The following UNC5D variants were observed in gnomAD, a reference collection of about 807,000 sequenced individuals.
UNC5D encodes netrin receptor UNC5D.
UNC5D carries 39 observed loss-of-function variants against 105.4 expected under a neutral mutation model. The observed-to-expected ratio is 0.37, with a 90% confidence interval of 0.29 to 0.48. UNC5D has a LOEUF of 0.48. UNC5D is among the 20% of genes least tolerant of loss of function. The pLI is 0.98. For synonymous variants in UNC5D, 452 were observed against 450.4 expected, an observed-to-expected ratio of 1.00 and a Z score of -0.04; for missense variants, 991 against 1,202.4, an observed-to-expected ratio of 0.82 and a Z score of 2.60.
intron 8 of UNC5D, among the ~76,000 whole-genome samples, chr8:35,711,885 A>T (rs1415365225): frequency 6.6e-6 from 1 of 152,146 alleles, no homozygotes; most frequent in Non-Finnish European, 1.5e-5. Context: ...TCATCATCAC[A>T]CCTGTTCAAT....
At chr8:35,652,956 T>A (rs1823520762) in intron 4 of UNC5D, among the ~76,000 whole-genome samples, 1 of 147,414 alleles carries the variant, frequency 6.8e-6, no homozygotes, top group Non-Finnish European at 1.5e-5. Flanking sequence ...AGACAGAGTT[T>A]CACTCTCTTG....
rs148739089 is a variant in UNC5D, at chr8:35,661,030, C to A, written c.571-22517C>A. On this transcript the variant is annotated intron_variant, in intron 4 of 16. Coordinates refer to ENST00000404895, the MANE Select transcript of UNC5D (RefSeq NM_080872.4). ...GGAGGATAGCTTGAGCCCAGGGGTTCAAGCCTGCAGTAAGCTACGATCATG... is the reference window on the plus strand; with the variant it reads ...GGAGGATAGCTTGAGCCCAGGGGTTAAAGCCTGCAGTAAGCTACGATCATG... Among the ~76,000 whole-genome samples the A allele has an allele frequency of 2.4e-3, 362 of 151,998 alleles. 3 individuals carry two copies. Among genetic ancestry groups the A allele is most frequent in the African/African-American group, 7.8e-3 (325 of 41,430 alleles).
At chr8:35,719,141 TACACACAC>T (rs57660135) in intron 8 of UNC5D, among the ~76,000 whole-genome samples, 6,828 of 133,112 alleles carry the variant, frequency 0.051, 318 homozygotes, top group African/African-American at 0.12. Context: ...CATGTGCTTA[TACACACAC>T]ACACACACAC....
At chr8:35,596,365 C>T (rs1419207806) in intron 4 of UNC5D, among the ~76,000 whole-genome samples, 1 of 152,102 alleles carries the variant, frequency 6.6e-6, no homozygotes, top group Non-Finnish European at 1.5e-5. Context: ...AAGATGACCC[C>T]TGATAGACTA....
At chr8:35,723,316 A>G (rs1045091394) in intron 9 of UNC5D, among the ~76,000 whole-genome samples, 1 of 152,206 alleles carries the variant, frequency 6.6e-6, no homozygotes, top group African/African-American at 2.4e-5. Flanking sequence ...CCCTCTTGCC[A>G]TTCACTTCTG....
At chr8:35,479,475 A>G (rs1168230489) in intron 1 of UNC5D, among the ~76,000 whole-genome samples, 1 of 152,178 alleles carries the variant, frequency 6.6e-6, no homozygotes, top group African/African-American at 2.4e-5. Flanking sequence ...TGTTTTACCA[A>G]AAGACATGTA....
intron 4 of UNC5D, among the ~76,000 whole-genome samples, chr8:35,598,179 T>A (rs1469640354): frequency 6.6e-6 from 1 of 152,142 alleles, no homozygotes; most frequent in African/African-American, 2.4e-5. Context: ...CCACTCCACC[T>A]TTTCCCTGCT....
intron 1 of UNC5D, among the ~76,000 whole-genome samples, chr8:35,435,177 C>T (rs185705552): frequency 6.6e-6 from 1 of 151,852 alleles, no homozygotes; most frequent in Admixed American, 6.6e-5. Context: ...ATATAATTAC[C>T]AATATGGTAA....
At chr8:35,717,354 T>C (rs528885905) in intron 8 of UNC5D, among the ~76,000 whole-genome samples, 1 of 152,274 alleles carries the variant, frequency 6.6e-6, no homozygotes, top group South Asian at 2.1e-4. Context: ...TTAGTACATC[T>C]TTTAGAGGGG....
chr8:35,686,929 T>A (rs184643585), intron 7 of UNC5D, among the ~76,000 whole-genome samples: 1 of 152,212 alleles, frequency 6.6e-6, no homozygotes, highest in Non-Finnish European at 1.5e-5. Flanking sequence ...ATTCTGTTGA[T>A]GTGTATACTT....
intron 1 of UNC5D, among the ~76,000 whole-genome samples, chr8:35,324,261 A>C (rs1269198786): frequency 1.3e-5 from 2 of 149,466 alleles, no homozygotes; most frequent in Non-Finnish European, 3.0e-5. Context: ...AAAAGTGATG[A>C]GTCATTGATG....
intron 6 of UNC5D, among the ~76,000 whole-genome samples, chr8:35,685,664 T>A (rs940770291): frequency 3.3e-5 from 5 of 152,212 alleles, no homozygotes; most frequent in Non-Finnish European, 5.9e-5. Context: ...ACATACATAA[T>A]GTTGTTTACT....
intron 4 of UNC5D, among the ~76,000 whole-genome samples, chr8:35,617,493 T>C (rs866754832): frequency 3.9e-5 from 6 of 152,316 alleles, no homozygotes; most frequent in Middle Eastern, 3.4e-3. Context: ...ATGGCCTCTT[T>C]CATTGCATTG....
In UNC5D at chr8:35,404,057, C is replaced by T. The variant is rs144342978; in HGVS notation, c.104-145235C>T. On this transcript the variant is annotated intron_variant, in intron 1 of 16. Transcript: ENST00000404895. ...GAGGTCCCGCAGATGGTATTCCCTTCTCTAGCAGCTACTCCCTAACAGCCT... is the reference window on the plus strand; with the variant it reads ...GAGGTCCCGCAGATGGTATTCCCTTTTCTAGCAGCTACTCCCTAACAGCCT... 3.6e-3 allele frequency among the ~76,000 whole-genome samples: 550 copies of T among 152,316 alleles called. 3 individuals carry two copies. Among genetic ancestry groups the T allele is most frequent in the Non-Finnish European group, 6.1e-3 (418 of 68,030 alleles).
intron 1 of UNC5D, among the ~76,000 whole-genome samples, chr8:35,466,655 T>C (rs1322557242): frequency 1.3e-5 from 2 of 152,230 alleles, no homozygotes; most frequent in East Asian, 1.9e-4. Context: ...CAATTTTTAG[T>C]TGAAAATGAG....
intron 1 of UNC5D, among the ~76,000 whole-genome samples, chr8:35,437,344 C>T (rs1264597401): frequency 6.6e-6 from 1 of 151,710 alleles, no homozygotes; most frequent in Non-Finnish European, 1.5e-5. Flanking sequence ...GTAGATGGTA[C>T]ATCTCTAAGA....
intron 1 of UNC5D, among the ~76,000 whole-genome samples, chr8:35,310,437 T>A (rs1449230586): frequency 6.6e-6 from 1 of 152,028 alleles, no homozygotes; most frequent in Non-Finnish European, 1.5e-5. Flanking sequence ...CTGGCCAACA[T>A]GGCGAAACCT....
chr8:35,654,474 A>G (rs922096501), intron 4 of UNC5D, among the ~76,000 whole-genome samples: 3 of 152,154 alleles, frequency 2.0e-5, no homozygotes, highest in African/African-American at 4.8e-5. Flanking sequence ...TCCCCTGTCT[A>G]TACGCGTGGC....
chr8:35,264,838 G>A (rs1021017877), intron 1 of UNC5D, among the ~76,000 whole-genome samples: 1 of 152,072 alleles, frequency 6.6e-6, no homozygotes, highest in Admixed American at 6.5e-5. Context: ...GCCATCCTGT[G>A]TACCTGAGAT....
Sources: allele counts gnomAD v4.1 joint callset (sites outside exome capture counted in the v4.1 genomes callset), GRCh38; gene constraint gnomAD v4.1.1; transcripts MANE v1.5; gene names NCBI Gene and HGNC (gene_info 2026-07-23, HGNC 2026-07-21).